Variants in EFHC1 observed in about 807,000 individuals in gnomAD.
EFHC1 encodes EF-hand domain-containing protein 1.
A neutral mutation model predicts 69.9 loss-of-function variants in EFHC1; 53 were observed. The observed-to-expected ratio is 0.76, with a 90% CI of 0.61 to 0.95. EFHC1 has a LOEUF of 0.95. Ranked by LOEUF, EFHC1 falls within the 40% of genes least tolerant of loss-of-function variation. EFHC1 has a pLI of 0.00. For synonymous variants in EFHC1, 256 were observed against 278.4 expected (o/e 0.92, Z 0.80); for missense variants, 739 against 798.7 (o/e 0.93, Z 0.90).
Position 52,492,260 on chromosome 6 carries a change from C to T in EFHC1, c.1852-10C>T, listed in dbSNP as rs759285343. ...ATCTGTCTCACCTATTCTCTTTGCT[C>T]TCTCTGCAGTTAATCAGGATGTGCT... On this transcript the variant is annotated splice_polypyrimidine_tract_variant and intron_variant, in intron 10 of 10. Coordinates refer to ENST00000371068, the MANE Select transcript of EFHC1 (RefSeq NM_018100.4). The T allele has an allele frequency of 6.2e-7, 1 of 1,613,348 alleles. No homozygotes were observed. Among genetic ancestry groups the T allele is most frequent in the South Asian group, 1.1e-5 (1 of 91,038 alleles).
At position 52,438,470 on chromosome 6, in the gene EFHC1, G is replaced by C. The variant is rs191656603; in HGVS notation, c.452G>C (p.Arg151Pro). Reference sequence around the variant, plus strand: ...ATCCTTCAAGGCAAGTTAATAAAACGCCAGCGGCTAGCCAAGAATGACCGG... The same window carrying C: ...ATCCTTCAAGGCAAGTTAATAAAACCCCAGCGGCTAGCCAAGAATGACCGG... ...SGILQGKLIK[R>P]QRLAKNDRGD... Residue 151 changes from arginine to proline, a missense_variant, in exon 3 of 11, where the codon CGC becomes CCC. Physicochemically the swap from Arg to Pro is moderately radical, Grantham distance 103 (BLOSUM62 -2). Coordinates refer to ENST00000371068, the MANE Select transcript of EFHC1 (RefSeq NM_018100.4). 18 of 1,613,886 alleles carry C rather than the reference G, an allele frequency of 1.1e-5. No individual in the cohort carries two copies. The highest frequency in any genetic ancestry group is 8.5e-7 in the Non-Finnish European group (1 of 1,179,990).
intron 10 of EFHC1, among the ~76,000 whole-genome samples, chr6:52,491,926 G>A (rs910327654): frequency 2.0e-5 from 3 of 152,212 alleles, no homozygotes; most frequent in Non-Finnish European, 4.4e-5. Flanking sequence ...GGCAGCAGAC[G>A]CAGTTTGTCA....
At position 52,494,543 on chromosome 6, in the gene EFHC1, G is replaced by A. The variant is rs1276192007; in HGVS notation, c.*2202G>A. ...TCGTAATGTGGGGCCAGGTCTGAGT[G>A]ACATGTGCCGAAAGGCTGACTCTTT... On this transcript the variant is annotated 3_prime_UTR_variant, in exon 11 of 11. Transcript: ENST00000371068. The A allele has an allele frequency of 2.2e-6, 1 of 454,130 alleles. No homozygotes were observed. 28.1% of individuals were successfully genotyped at this position (454,130 alleles called of 1,614,324 possible). A position where few individuals can be genotyped will look rare whatever the true frequency, so the allele number is the denominator to read the frequency against.
intron 2 of EFHC1, among the ~76,000 whole-genome samples, chr6:52,432,257 G>A (rs574256833): frequency 3.3e-5 from 5 of 152,168 alleles, no homozygotes; most frequent in Non-Finnish European, 5.9e-5. Context: ...TGTATACCTG[G>A]ATTTTTTGTT....
At position 52,494,267 on chromosome 6, in the gene EFHC1, T is replaced by G; in HGVS notation, c.*1926T>G. On this transcript the variant is annotated 3_prime_UTR_variant, in exon 11 of 11. Transcript: ENST00000371068. ...TCTGTATTTTAGAAGTTTTTTCAGCTTAAAAATTACCAAGCTCTATCCTAC... is the reference window on the plus strand; with the variant it reads ...TCTGTATTTTAGAAGTTTTTTCAGCGTAAAAATTACCAAGCTCTATCCTAC... 1 of 454,156 alleles carries G rather than the reference T, an allele frequency of 2.2e-6. No individual in the cohort carries two copies. Among genetic ancestry groups the G allele is most frequent in the Non-Finnish European group, 4.4e-6 (1 of 226,786 alleles). 28.1% of individuals were successfully genotyped at this position (454,156 alleles called of 1,614,324 possible).
At chr6:52,450,031 T>G (rs115573652) in intron 3 of EFHC1, among the ~76,000 whole-genome samples, 3 of 152,332 alleles carry the variant, frequency 2.0e-5, no homozygotes, top group Non-Finnish European at 4.4e-5. Flanking sequence ...TTCAAAGAAA[T>G]TCTTGATTTC....
rs1764988459 is a variant in EFHC1, at chr6:52,454,222, G to A, written c.851G>A (p.Gly284Glu). Residue 284 changes from glycine to glutamate, a missense_variant, in exon 5 of 11, where the codon GGG (glycine) becomes GAG (glutamate). Coordinates refer to ENST00000371068, the MANE Select transcript of EFHC1 (RefSeq NM_018100.4). Reference sequence around the variant, plus strand: ...CGAGAGGTCCACGAACGGAATGATGGGAGAGATCCTTTCCCACTCCTAATG... The same window carrying A: ...CGAGAGGTCCACGAACGGAATGATGAGAGAGATCCTTTCCCACTCCTAATG... ...EIREVHERNDGRDPFPLLMNR... is the reference protein window; with the variant it reads ...EIREVHERNDERDPFPLLMNR... 1 of 1,614,022 alleles carries A rather than the reference G, an allele frequency of 6.2e-7. No individual in the cohort carries two copies. Among genetic ancestry groups the A allele is most frequent in the African/African-American group, 1.3e-5 (1 of 74,910 alleles).
At chr6:52,456,000 A>G (rs759734547) in intron 5 of EFHC1, among the ~76,000 whole-genome samples, 2 of 152,230 alleles carry the variant, frequency 1.3e-5, no homozygotes, top group Non-Finnish European at 2.9e-5. Context: ...ATGCTATAAC[A>G]CATGCAAAAC....
chr6:52,478,669 G>C (rs1178958748), intron 7 of EFHC1, among the ~76,000 whole-genome samples: 3 of 152,188 alleles, frequency 2.0e-5, no homozygotes, highest in Non-Finnish European at 4.4e-5. Context: ...ATATGTTCTA[G>C]TATACTGTGT....
intron 9 of EFHC1, chr6:52,488,040 A>T (rs781554163): frequency 1.3e-5 from 2 of 152,246 alleles, no homozygotes; most frequent in African/African-American, 2.4e-5. Flanking sequence ...AAGGCAGCAG[A>T]TGCCATGGGT....
chr6:52,486,152 G>A (rs2114031975), intron 9 of EFHC1: 1 of 152,336 alleles, frequency 6.6e-6, no homozygotes, highest in Non-Finnish European at 1.5e-5. Context: ...GGGATCATGA[G>A]TACTTGTCAG....
intron 5 of EFHC1, among the ~76,000 whole-genome samples, chr6:52,464,520 C>T (rs963381085): frequency 6.6e-6 from 1 of 152,250 alleles, no homozygotes; most frequent in Admixed American, 6.5e-5. Context: ...AATGGATAAA[C>T]GGGTGGGAAT....
At chr6:52,446,465 A>T (rs985347921) in intron 3 of EFHC1, among the ~76,000 whole-genome samples, 1 of 152,154 alleles carries the variant, frequency 6.6e-6, no homozygotes, top group African/African-American at 2.4e-5. Context: ...TCTGCACGTC[A>T]GATGGGTCTC....
chr6:52,440,353 A>G (rs553928228), intron 3 of EFHC1, among the ~76,000 whole-genome samples: 12 of 152,092 alleles, frequency 7.9e-5, no homozygotes, highest in Non-Finnish European at 1.5e-4. Context: ...CATTTTCTCC[A>G]TGAGGTGTGT....
intron 2 of EFHC1, chr6:52,430,420 G>A (rs1379805156): frequency 1.3e-5 from 2 of 152,034 alleles, no homozygotes; most frequent in African/African-American, 4.8e-5. Flanking sequence ...ATCAGAAAGG[G>A]GTACTAGATT....
intron 5 of EFHC1, among the ~76,000 whole-genome samples, chr6:52,459,386 A>C (rs947400666): frequency 6.6e-6 from 1 of 152,240 alleles, no homozygotes; most frequent in African/African-American, 2.4e-5. Context: ...AACCCAAATA[A>C]AAAATAGGTA....
chr6:52,490,482 G>A (rs774409734), intron 10 of EFHC1, 132 bp downstream of exon 10: 30 of 752,384 alleles, frequency 4.0e-5, no homozygotes, highest in Non-Finnish European at 5.8e-5. Context: ...CTACTATTCT[G>A]TCCTGATTAG....
intron 6 of EFHC1, chr6:52,468,407 T>C (rs766421590): frequency 1.3e-5 from 2 of 152,182 alleles, no homozygotes; most frequent in Non-Finnish European, 2.9e-5. Flanking sequence ...TGGACTGATA[T>C]TTAGGGAAGG....
intron 7 of EFHC1, among the ~76,000 whole-genome samples, chr6:52,474,144 C>G (rs1382856310): frequency 1.3e-5 from 2 of 152,118 alleles, no homozygotes; most frequent in African/African-American, 4.8e-5. Flanking sequence ...GAGACCCTAT[C>G]GCTACAAAGA....
Sources: gnomAD v4.1 joint callset for allele counts (sites outside exome capture counted in the v4.1 genomes callset) on GRCh38, gnomAD v4.1.1 for gene constraint, MANE v1.5 for transcripts, NCBI Gene and HGNC (gene_info 2026-07-23, HGNC 2026-07-21) for gene names.